INPP4B: variants seen among roughly 807,000 people sequenced by gnomAD.
INPP4B encodes the protein inositol polyphosphate-4-phosphatase type II B.
A neutral mutation model predicts 122.5 loss-of-function variants in INPP4B; 55 were observed. The ratio of observed to expected loss-of-function variants is 0.45; its 90% CI spans 0.36 to 0.56. INPP4B has a LOEUF of 0.56. Among genes scored for constraint, INPP4B ranks in the 20% least tolerant of loss-of-function variants. The pLI, the probability that INPP4B is intolerant of heterozygous loss-of-function variation, is 0.00. For missense variants in INPP4B, 1,000 were observed against 1,097.7 expected (o/e 0.91, Z 1.26); for synonymous variants, 403 against 388.7 (o/e 1.04, Z -0.43).
At chr4:142,322,284 T>C (rs923486242) in intron 7 of INPP4B, among the ~76,000 whole-genome samples, 6 of 148,266 alleles carry the variant, frequency 4.0e-5, no homozygotes, top group African/African-American at 1.2e-4. Context: ...TCAGTTAATC[T>C]AAAAAAAAAA....
chr4:142,120,123 TTG>T (rs1795947496), intron 21 of INPP4B, among the ~76,000 whole-genome samples: 1 of 152,044 alleles, frequency 6.6e-6, no homozygotes, highest in African/African-American at 2.4e-5. Flanking sequence ...TTGAATTACC[TTG>T]GCAGCTTTGT....
chr4:142,562,559 C>T (rs528128285), intron 2 of INPP4B, among the ~76,000 whole-genome samples: 44 of 152,214 alleles, frequency 2.9e-4, no homozygotes, highest in Admixed American at 9.8e-4. Context: ...CAGGAAAGTA[C>T]TTGTGGACAA....
chr4:142,133,192 C>T (rs908476521), intron 18 of INPP4B, among the ~76,000 whole-genome samples: 3 of 152,144 alleles, frequency 2.0e-5, no homozygotes, highest in Admixed American at 1.3e-4. Flanking sequence ...GGTTATTTCC[C>T]CTTTCTCTGT....
intron 1 of INPP4B, chr4:142,795,353 G>A (rs553326017): frequency 6.6e-6 from 1 of 152,012 alleles, no homozygotes; most frequent in Non-Finnish European, 1.5e-5. Context: ...GATGGGCACT[G>A]GAGAAGCTTC....
intron 2 of INPP4B, among the ~76,000 whole-genome samples, chr4:142,485,718 T>C (rs541490257): frequency 1.1e-4 from 16 of 152,314 alleles, no homozygotes; most frequent in African/African-American, 3.6e-4. Context: ...ATGCTCTTAA[T>C]CTACCATTTA....
chr4:142,370,621 A>G (rs1789544204), intron 7 of INPP4B, among the ~76,000 whole-genome samples: 1 of 152,138 alleles, frequency 6.6e-6, no homozygotes, highest in African/African-American at 2.4e-5. Context: ...AAAATACACA[A>G]AAATCAGTAA....
intron 25 of INPP4B, among the ~76,000 whole-genome samples, chr4:142,030,965 A>G (rs1326377201): frequency 1.3e-5 from 2 of 152,140 alleles, no homozygotes; most frequent in Non-Finnish European, 2.9e-5. Context: ...GGCCAAATCT[A>G]TCTCCTATGG....
rs571347798 is a variant in INPP4B at position 142,579,280 on chromosome 4, G to A, written c.-190-116554C>T. Among the ~76,000 whole-genome samples, 87 of 152,100 alleles carry A rather than the reference G, an allele frequency of 5.7e-4. 1 individual carries two copies. Among genetic ancestry groups the A allele is most frequent in the African/African-American group, 2.0e-3 (85 of 41,534 alleles). ...TAATGTCAGTGGATTAAGGGGAGAA[G>A]AAACTTGTTTTATACAGAGTGGTCA... On this transcript the variant is annotated intron_variant, in intron 2 of 25. Transcript: ENST00000262992.
At chr4:142,493,240 G>A (rs1044504180) in intron 2 of INPP4B, among the ~76,000 whole-genome samples, 42 of 152,334 alleles carry the variant, frequency 2.8e-4, no homozygotes, top group African/African-American at 9.4e-4. Context: ...CCCTCATGGA[G>A]AACCTCTGCT....
intron 2 of INPP4B, among the ~76,000 whole-genome samples, chr4:142,697,600 G>T (rs978361): frequency 0.76 from 115,165 of 152,054 alleles, 44,846 homozygotes; most frequent in Non-Finnish European, 0.83. Context: ...TTAAACGATA[G>T]GAACTTATTT....
chr4:142,164,298 A>C (rs1821603148), intron 16 of INPP4B, among the ~76,000 whole-genome samples: 1 of 151,964 alleles, frequency 6.6e-6, no homozygotes, highest in East Asian at 1.9e-4. Flanking sequence ...AAAGTAAATA[A>C]AGTTCTATTC....
At chr4:142,619,873 C>A (rs1298739288) in intron 2 of INPP4B, among the ~76,000 whole-genome samples, 1 of 151,916 alleles carries the variant, frequency 6.6e-6, no homozygotes, top group Non-Finnish European at 1.5e-5. Context: ...TATTTTGCCA[C>A]AAAGTAAGGA....
intron 2 of INPP4B, among the ~76,000 whole-genome samples, chr4:142,643,741 C>A (rs1402694052): frequency 5.9e-5 from 9 of 152,044 alleles, no homozygotes; most frequent in Admixed American, 5.9e-4. Flanking sequence ...GCTAATTGGG[C>A]AGAGGTTTAA....
intron 9 of INPP4B, among the ~76,000 whole-genome samples, chr4:142,282,206 A>G (rs555408164): frequency 1.3e-5 from 2 of 152,234 alleles, no homozygotes; most frequent in South Asian, 4.1e-4. Flanking sequence ...CCTAAAGTGT[A>G]AAGAAATGAG....
intron 2 of INPP4B, among the ~76,000 whole-genome samples, chr4:142,638,546 CTT>C (rs3080813): frequency 4.5e-5 from 6 of 134,268 alleles, no homozygotes; most frequent in Admixed American, 7.8e-5. Context: ...TGTCTATTCT[CTT>C]TTTTTTTTTT....
chr4:142,164,607 C>A (rs11100745), intron 16 of INPP4B, among the ~76,000 whole-genome samples: 33 of 151,746 alleles, frequency 2.2e-4, no homozygotes, highest in African/African-American at 7.7e-4. Flanking sequence ...TATCCATTTG[C>A]CCTTGGAAAA....
At chr4:142,042,778 G>C (rs764265284) in intron 25 of INPP4B, among the ~76,000 whole-genome samples, 1 of 152,072 alleles carries the variant, frequency 6.6e-6, no homozygotes, top group Admixed American at 6.5e-5. Context: ...GGTCAAGCTG[G>C]TCTTAAACTC....
chr4:142,462,657 T>C lies in INPP4B; in HGVS notation c.-127+6A>G, dbSNP rs991868995. 3.9e-5 allele frequency: 6 copies of C among 152,212 alleles called. No homozygotes were observed. Among genetic ancestry groups the C allele is most frequent in the Non-Finnish European group, 5.9e-5 (4 of 68,036 alleles). The allele number at this position is 152,212 out of a possible 1,614,324, so 9.4% of individuals were successfully genotyped here. On this transcript the variant is annotated splice_donor_region_variant and intron_variant, in intron 3 of 25. Transcript: ENST00000262992. Reference sequence around the variant, plus strand: ...TGATGTTACGTGTTGAGAATAACTCTTGTACCTGATTTATGTTGTTTTCTT... The same window carrying C: ...TGATGTTACGTGTTGAGAATAACTCCTGTACCTGATTTATGTTGTTTTCTT...
intron 1 of INPP4B, among the ~76,000 whole-genome samples, chr4:142,818,785 C>T (rs977523987): frequency 6.6e-6 from 1 of 152,056 alleles, no homozygotes; most frequent in East Asian, 1.9e-4. Context: ...CAGAGAGCCC[C>T]TCGCCCTTAT....
Sources: gnomAD v4.1 joint callset for allele counts (sites outside exome capture counted in the v4.1 genomes callset) on GRCh38, gnomAD v4.1.1 for gene constraint, MANE v1.5 for transcripts, NCBI Gene and HGNC (gene_info 2026-07-23, HGNC 2026-07-21) for gene names.